Variants in C10orf90 observed in about 807,000 individuals in gnomAD.
C10orf90 encodes (E2-independent) E3 ubiquitin-conjugating enzyme FATS.
C10orf90 carries 56 observed loss-of-function variants against 62.5 expected under a neutral mutation model. That is an observed-to-expected ratio of 0.90 (90% CI 0.72 to 1.12). The LOEUF (loss-of-function observed/expected upper bound fraction) is 1.12. Among genes scored for constraint, C10orf90 ranks in the 50% most tolerant of loss-of-function variants. The pLI, the probability that C10orf90 is intolerant of heterozygous loss-of-function variation, is 0.00. For missense variants in C10orf90, 970 were observed against 880.4 expected (o/e 1.10, Z -1.29); for synonymous variants, 386 against 340.4 (o/e 1.13, Z -1.47).
At chr10:126,571,182 C>T (rs957671924) in intron 2 of C10orf90, among the ~76,000 whole-genome samples, 4 of 152,256 alleles carry the variant, frequency 2.6e-5, no homozygotes, top group African/African-American at 7.2e-5. Context: ...CAGCTCCTGA[C>T]CCACGAGGTC....
intron 1 of C10orf90, among the ~76,000 whole-genome samples, chr10:126,662,093 T>TTAA (rs111572069): frequency 4.0e-5 from 6 of 148,740 alleles, no homozygotes; most frequent in Non-Finnish European, 8.9e-5. Flanking sequence ...GTAGTCTTGT[T>TTAA]AAAAAAAAAA....
intron 2 of C10orf90, among the ~76,000 whole-genome samples, chr10:126,621,423 G>C (rs1296876500): frequency 1.3e-5 from 2 of 152,086 alleles, no homozygotes. Flanking sequence ...TCGAACTTGT[G>C]ACCCTTCATG....
At chr10:126,448,902 T>C (rs1858975004) in intron 7 of C10orf90, among the ~76,000 whole-genome samples, 1 of 152,208 alleles carries the variant, frequency 6.6e-6, no homozygotes, top group Non-Finnish European at 1.5e-5. Context: ...AAAATCTTCT[T>C]TTTAAAAGAA....
intron 2 of C10orf90, among the ~76,000 whole-genome samples, chr10:126,531,167 C>G (rs1250260552): frequency 6.7e-6 from 1 of 149,846 alleles, no homozygotes; most frequent in Admixed American, 6.6e-5. Flanking sequence ...GAGTGAGACT[C>G]CATCTGAAAA....
intron 2 of C10orf90, among the ~76,000 whole-genome samples, chr10:126,534,491 G>T (rs148113386): frequency 6.6e-6 from 1 of 152,192 alleles, no homozygotes; most frequent in African/African-American, 2.4e-5. Context: ...TATTTTTCCC[G>T]AAAGAGGCTC....
intron 4 of C10orf90, among the ~76,000 whole-genome samples, chr10:126,487,696 C>T (rs1310252958): frequency 2.0e-5 from 3 of 152,080 alleles, no homozygotes; most frequent in African/African-American, 7.2e-5. Context: ...CCAAAAGGAA[C>T]ATGTAAAATA....
intron 8 of C10orf90, among the ~76,000 whole-genome samples, chr10:126,428,328 C>T (rs1388777480): frequency 6.6e-6 from 1 of 152,038 alleles, no homozygotes; most frequent in Non-Finnish European, 1.5e-5. Context: ...AACTGCTGGT[C>T]ATGAAGAGAC....
chr10:126,470,577 A>AAAAACAAAC lies in C10orf90; in HGVS notation c.1535-5592_1535-5591insGTTTGTTTT, dbSNP rs1554892935. 3.9e-3 allele frequency among the ~76,000 whole-genome samples: 588 copies of AAAAACAAAC among 150,028 alleles called. 4 individuals carry two copies. Among genetic ancestry groups the AAAAACAAAC allele is most frequent in the South Asian group, 0.021 (98 of 4,694 alleles). On this transcript the variant is annotated intron_variant, in intron 4 of 9. Transcript: ENST00000488181. ...AGACCCTAACTCTACTAAAAACTAAAAAACAAACAAACAAACAAACAAACT... is the reference window on the plus strand; with the variant it reads ...AGACCCTAACTCTACTAAAAACTAAAAAAACAAACAAACAAACAAACAAACAAACAAACT...
intron 7 of C10orf90, among the ~76,000 whole-genome samples, chr10:126,435,096 C>G (rs1857832725): frequency 6.6e-6 from 1 of 152,176 alleles, no homozygotes. Flanking sequence ...ATGACCGTTG[C>G]ACATAGCAGC....
chr10:126,587,277 A>G (rs958684000), intron 2 of C10orf90, among the ~76,000 whole-genome samples: 3 of 152,344 alleles, frequency 2.0e-5, no homozygotes, highest in Admixed American at 6.5e-5. Flanking sequence ...AAATGTATTA[A>G]AATTCCTGTA....
intron 7 of C10orf90, among the ~76,000 whole-genome samples, chr10:126,430,515 A>C (rs1857508606): frequency 6.6e-6 from 1 of 152,234 alleles, no homozygotes; most frequent in African/African-American, 2.4e-5. Context: ...TGTTAAAAAA[A>C]ACAGTGTATA....
chr10:126,630,069 G>A (rs1396430898), intron 2 of C10orf90, among the ~76,000 whole-genome samples: 3 of 152,230 alleles, frequency 2.0e-5, no homozygotes, highest in Non-Finnish European at 4.4e-5. Context: ...AATAGCGGCT[G>A]CCTGTGTGTG....
At chr10:126,572,380 G>A (rs2134005201) in intron 2 of C10orf90, among the ~76,000 whole-genome samples, 1 of 152,234 alleles carries the variant, frequency 6.6e-6, no homozygotes, top group Non-Finnish European at 1.5e-5. Context: ...AGTTTATTAA[G>A]GAAGTAAAGG....
chr10:126,444,038 C>T (rs1858574322), intron 7 of C10orf90, among the ~76,000 whole-genome samples: 1 of 151,982 alleles, frequency 6.6e-6, no homozygotes, highest in African/African-American at 2.4e-5. Flanking sequence ...GTAATAAAAG[C>T]CACATATGAA....
chr10:126,583,044 A>G (rs1844785567), intron 2 of C10orf90, among the ~76,000 whole-genome samples: 1 of 152,164 alleles, frequency 6.6e-6, no homozygotes, highest in Non-Finnish European at 1.5e-5. Context: ...GATGTTTTAC[A>G]GCATCCCTAA....
At chr10:126,632,762 T>G (rs1845875312) in intron 2 of C10orf90, among the ~76,000 whole-genome samples, 1 of 152,186 alleles carries the variant, frequency 6.6e-6, no homozygotes, top group Non-Finnish European at 1.5e-5. Flanking sequence ...TATATTTACT[T>G]TGCTTTGAAT....
intron 4 of C10orf90, among the ~76,000 whole-genome samples, chr10:126,495,125 T>C (rs1269351841): frequency 6.6e-6 from 1 of 152,232 alleles, no homozygotes; most frequent in Non-Finnish European, 1.5e-5. Context: ...GTTACTCATG[T>C]ATAGACGGTG....
intron 2 of C10orf90, among the ~76,000 whole-genome samples, chr10:126,627,406 C>G (rs556863039): frequency 6.6e-6 from 1 of 152,036 alleles, no homozygotes; most frequent in South Asian, 2.1e-4. Flanking sequence ...GTGGTCCATG[C>G]GGGTGTAATG....
At chr10:126,516,872 A>AGGCTACCAGCATGCCTT (rs6144146) in intron 2 of C10orf90, among the ~76,000 whole-genome samples, 4 of 151,930 alleles carry the variant, frequency 2.6e-5, no homozygotes, top group African/African-American at 9.7e-5. Context: ...CAGCTTGTAG[A>AGGCTACCAGCATGCCTT]GGCTCACAGC....
Sources: allele counts gnomAD v4.1 joint callset (sites outside exome capture counted in the v4.1 genomes callset), GRCh38; gene constraint gnomAD v4.1.1; transcripts MANE v1.5; gene names NCBI Gene and HGNC (gene_info 2026-07-23, HGNC 2026-07-21).